ERAP2: variants seen among roughly 807,000 people sequenced by gnomAD.
ERAP2 encodes the protein leukocyte-derived arginine aminopeptidase.
A neutral mutation model predicts 111.1 loss-of-function variants in ERAP2; 118 were observed. The ratio of observed to expected loss-of-function variants is 1.06; its 90% CI spans 0.92 to 1.24. The LOEUF (loss-of-function observed/expected upper bound fraction) is 1.24. Among genes scored for constraint, ERAP2 ranks in the 50% most tolerant of loss-of-function variants. The pLI is 0.00. For missense variants in ERAP2, 1,131 were observed against 1,125.8 expected, an observed-to-expected ratio of 1.00 and a Z score of -0.07; for synonymous variants, 410 against 401.2, an observed-to-expected ratio of 1.02 and a Z score of -0.26.
Position 96,918,814 on chromosome 5 carries a change from T to C in ERAP2, c.*1209T>C, listed in dbSNP as rs1236112897. The C allele has an allele frequency of 6.6e-6, 1 of 152,230 alleles. No individual in the cohort carries two copies. The highest frequency in any genetic ancestry group is 1.9e-4 in the East Asian group (1 of 5,206). The allele number at this position is 152,230 out of a possible 1,614,324, so 9.4% of individuals were successfully genotyped here. On this transcript the variant is annotated 3_prime_UTR_variant, in exon 19 of 19. Transcript: ENST00000437043. ...TATTTTCGGTTAAATGATAATTGAA[T>C]GTAAATATTTAGATGCAGCACCATA... is the stretch of plus-strand genomic sequence containing the variant.
At position 96,909,155 on chromosome 5, in the gene ERAP2, A is replaced by G. The variant is rs191169831; in HGVS notation, c.2169+38A>G. The G allele has an allele frequency of 2.5e-3, 4,056 of 1,597,328 alleles. 9 individuals carry two copies. Among genetic ancestry groups the G allele is most frequent in the Middle Eastern group, 4.7e-3 (28 of 6,020 alleles). On this transcript the variant is annotated intron_variant, in intron 14 of 18. Coordinates refer to ENST00000437043, the MANE Select transcript of ERAP2 (RefSeq NM_022350.5). ...TTTAGAAAATGTATTAAGTAAATAC[A>G]CAGTGTCTGGAGTATCAGTCAGGCT...
intron 6 of ERAP2, 106 bp from the exon 7 acceptor site, chr5:96,895,140 G>A (rs55746248): frequency 0.048 from 30,518 of 634,666 alleles, 991 homozygotes; most frequent in Middle Eastern, 0.1. Context: ...AGAGAGAAGA[G>A]AGATCCTAAC....
At chr5:96,887,463 G>T (rs1245963298) in intron 4 of ERAP2, among the ~76,000 whole-genome samples, 2 of 151,904 alleles carry the variant, frequency 1.3e-5, no homozygotes, top group South Asian at 4.2e-4. Flanking sequence ...ATCATGCCTG[G>T]CTAATTTTTG....
At chr5:96,897,730 A>G (rs1235626693) in intron 9 of ERAP2, among the ~76,000 whole-genome samples, 2 of 152,188 alleles carry the variant, frequency 1.3e-5, no homozygotes, top group African/African-American at 4.8e-5. Context: ...AAAATTTCCA[A>G]CTGCAAAGAA....
chr5:96,896,385 T>C lies in ERAP2; in HGVS notation c.1252T>C (p.Leu418=), dbSNP rs1226516623. Residue 418 remains leucine (L), a synonymous_variant, in exon 8 of 19, where the codon TTG becomes CTG. Transcript: ENST00000437043. ...YPELQFDDYF[L]NVCFEVITKD... is the part of the protein sequence containing the mutation. ...TCTCCCTGTTTAGGATGACTATTTT[T>C]TGAATGTGTGTTTTGAAGTAATTAC... 15 of 1,610,502 alleles carry C rather than the reference T, an allele frequency of 9.3e-6. No individual in the cohort carries two copies. Among genetic ancestry groups the C allele is most frequent in the African/African-American group, 2.7e-5 (2 of 74,798 alleles).
At chr5:96,885,479 G>T (rs541778329) in intron 3 of ERAP2, among the ~76,000 whole-genome samples, 1 of 152,252 alleles carries the variant, frequency 6.6e-6, no homozygotes, top group South Asian at 2.1e-4. Context: ...CTTTATTGGA[G>T]CTTAGAAATA....
chr5:96,901,691 T>C lies in ERAP2; in HGVS notation c.1748+10T>C, dbSNP rs779289932. On this transcript the variant is annotated intron_variant, in intron 11 of 18. Transcript: ENST00000437043. ...GGGCCCTGCAGGAGAGGTGGCTGCT[T>C]TTCTTCTTTAGGTCTAGCTTACCTC... 2.7e-5 allele frequency: 43 copies of C among 1,612,542 alleles called. No homozygotes were observed. The highest frequency in any genetic ancestry group is 3.4e-5 in the Non-Finnish European group (40 of 1,179,464).
intron 4 of ERAP2, among the ~76,000 whole-genome samples, chr5:96,888,931 C>T (rs1784045970): frequency 6.6e-6 from 1 of 152,194 alleles, no homozygotes; most frequent in Non-Finnish European, 1.5e-5. Context: ...AATGGGTTAA[C>T]ATGATTTGAA....
intron 8 of ERAP2, 37 bp downstream of exon 8, chr5:96,896,541 C>A (rs1581847781): frequency 6.4e-7 from 1 of 1,558,014 alleles, no homozygotes; most frequent in Non-Finnish European, 8.6e-7. Context: ...GCTCTGCTTT[C>A]AGAAGTGTAA....
In ERAP2 at chr5:96,909,735, C is replaced by T. The variant is rs1056893; in HGVS notation, c.2325C>T (p.Ser775=). 838,112 of 1,613,054 alleles carry T rather than the reference C, an allele frequency of 0.52. 219,136 individuals carry two copies. The highest frequency in any genetic ancestry group is 0.61 in the Admixed American group (36,601 of 59,982). ...TCCAGAAAGCTGCTGAACTCTTCTC[C>T]CAGTGGATGGAATCCAGTGGAAAAT... ...PCIQKAAELF[S]QWMESSGKLN... The change falls in exon 15 of 19, where the codon TCC becomes TCT. Residue 775 remains serine, a synonymous_variant. Transcript: ENST00000437043.
intron 13 of ERAP2, among the ~76,000 whole-genome samples, chr5:96,908,077 T>C (rs1389875468): frequency 6.6e-6 from 1 of 152,194 alleles, no homozygotes; most frequent in Non-Finnish European, 1.5e-5. Flanking sequence ...CTGTTCCCTC[T>C]TTTTAGACAG....
At chr5:96,884,071 T>TA in intron 3 of ERAP2, 141 bp downstream of exon 3, 1 of 562,478 alleles carries the variant, frequency 1.8e-6, no homozygotes, top group Non-Finnish European at 2.9e-6. Flanking sequence ...TCTATCTATC[T>TA]ATCTATCTAT....
In ERAP2 at chr5:96,909,688, G is replaced by A. The variant is rs1313858976; in HGVS notation, c.2278G>A (p.Asp760Asn). 3.7e-6 allele frequency: 6 copies of A among 1,614,204 alleles called. No individual in the cohort carries two copies. In the South Asian group the frequency reaches 4.4e-5, roughly 12 times the overall value. The change falls in exon 15 of 19, where the codon GAC (aspartate) becomes AAC (asparagine). Residue 760 changes from aspartate (D) to asparagine (N), a missense_variant. This residue lies in a region of ERAP2 where 279 missense variants were observed against 250.9 expected (regional missense o/e 1.11). Transcript: ENST00000437043. ...LRSALLKLAC[D>N]LNHAPCIQKA... ...CTCGGCTCTCTTGAAGCTGGCCTGTGACCTGAACCATGCTCCTTGCATCCA... is the reference window on the plus strand; with the variant it reads ...CTCGGCTCTCTTGAAGCTGGCCTGTAACCTGAACCATGCTCCTTGCATCCA...
chr5:96,915,096 C>T (rs1282569376), intron 17 of ERAP2, among the ~76,000 whole-genome samples: 1 of 152,030 alleles, frequency 6.6e-6, no homozygotes, highest in Non-Finnish European at 1.5e-5. Context: ...CAACCTCCAC[C>T]TCCCGGGTTC....
chr5:96,891,518 CCCATATACG>C (rs2151147369), intron 5 of ERAP2, among the ~76,000 whole-genome samples: 3 of 28,806 alleles, frequency 1.0e-4, no homozygotes, highest in Admixed American at 8.6e-4. Context: ...TATATATATG[CCCATATACG>C]GTATATATAC....
intron 2 of ERAP2, chr5:96,881,498 C>T: frequency 2.2e-6 from 1 of 456,092 alleles, no homozygotes; most frequent in Non-Finnish European, 4.4e-6. Flanking sequence ...GAGTCTGGCT[C>T]AGTGCACTCT....
At position 96,912,728 on chromosome 5, in the gene ERAP2, A is replaced by G; in HGVS notation, c.2446A>G (p.Met816Val). The G allele has an allele frequency of 6.2e-7, 1 of 1,603,460 alleles. No homozygotes were observed. The highest frequency in any genetic ancestry group is 1.1e-5 in the South Asian group (1 of 88,528). ...CCTTTTAGAGCAATATGAACTGTCA[A>G]TGTCAAGTGCTGAACAAAACAAAAT... ...NYLLEQYELSMSSAEQNKILY... is the reference protein window; with the variant it reads ...NYLLEQYELSVSSAEQNKILY... The change falls in exon 16 of 19, where the codon ATG (methionine) becomes GTG (valine). Residue 816 changes from methionine to valine, a missense_variant. Met to Val is a conservative substitution (Grantham distance 21). Around this residue, in one of 3 missense-constraint regions of ERAP2, gnomAD observed 279 missense variants for 250.9 expected, o/e 1.11. Coordinates refer to ENST00000437043, the MANE Select transcript of ERAP2 (RefSeq NM_022350.5).
chr5:96,896,943 T>C, intron 9 of ERAP2, 80 bp downstream of exon 9: 1 of 1,409,838 alleles, frequency 7.1e-7, no homozygotes, highest in South Asian at 1.5e-5. Context: ...TATAAATAGC[T>C]ATATATTGTC....
chr5:96,883,693 A>G, intron 2 of ERAP2, 99 bp from the exon 3 acceptor site: 3 of 1,228,848 alleles, frequency 2.4e-6, no homozygotes, highest in Non-Finnish European at 3.4e-6. Context: ...AATCAAGTCT[A>G]TTACCCCCAG....
Sources: allele counts gnomAD v4.1 joint callset (sites outside exome capture counted in the v4.1 genomes callset), GRCh38; gene constraint gnomAD v4.1.1; regional missense constraint gnomAD v4.1.1; transcripts MANE v1.5; gene names NCBI Gene and HGNC (gene_info 2026-07-23, HGNC 2026-07-21).